The following LMO7 variants were observed in gnomAD, a reference collection of about 807,000 sequenced individuals.
LMO7 encodes the protein LIM domain only protein 7.
In LMO7, 120 loss-of-function variants were observed where a neutral mutation model predicts 206.5. The ratio of observed to expected loss-of-function variants is 0.58; its 90% CI spans 0.50 to 0.68. LMO7 has a LOEUF of 0.68. Ranked by LOEUF, LMO7 falls within the 30% of genes least tolerant of loss-of-function variation. The pLI is 0.00. For missense variants in LMO7, 1,959 were observed against 1,957.9 expected (o/e 1.00, Z -0.01); for synonymous variants, 706 against 681.5 (o/e 1.04, Z -0.56).
intron 1 of LMO7, chr13:75,689,124 T>A (rs541577757): frequency 6.6e-6 from 1 of 152,344 alleles, no homozygotes; most frequent in East Asian, 1.9e-4. Flanking sequence ...GATCTTTATC[T>A]TCCTCTAAGA....
At position 75,858,974 on chromosome 13, in the gene LMO7, G is replaced by A. The variant is rs2061147969; in HGVS notation, c.*1031G>A. 1 of 152,176 alleles carries A rather than the reference G, an allele frequency of 6.6e-6. No homozygotes were observed. Among genetic ancestry groups the A allele is most frequent in the Non-Finnish European group, 1.5e-5 (1 of 68,016 alleles). The allele number at this position is 152,176 out of a possible 1,614,324, so 9.4% of individuals were successfully genotyped here. On this transcript the variant is annotated 3_prime_UTR_variant, in exon 31 of 31. Coordinates refer to ENST00000377534, the MANE Select transcript of LMO7 (RefSeq NM_001306080.2). ...ATTTGTATGGTGAGAGTGATGAATT[G>A]TTGGATCATTTGAATAAAATCTTTT...
In LMO7 at chr13:75,858,687, C is replaced by T. The variant is rs576937710; in HGVS notation, c.*744C>T. The stretch of plus-strand genomic sequence containing the variant: ...TTGCTGATGCATTTAACGAGTGGGT[C>T]GTCTTTTTCTTAGGTGTATGTGTCT... On this transcript the variant is annotated 3_prime_UTR_variant, in exon 31 of 31. Transcript: ENST00000377534. The T allele has an allele frequency of 1.3e-5, 2 of 152,650 alleles. No homozygotes were observed. The highest frequency in any genetic ancestry group is 2.9e-5 in the Non-Finnish European group (2 of 68,014). 9.5% of individuals were successfully genotyped at this position (152,650 alleles called of 1,614,324 possible). A position where few individuals can be genotyped will look rare whatever the true frequency, so the allele number is the denominator to read the frequency against.
At chr13:75,722,832 A>T (rs1594524830) in intron 2 of LMO7, among the ~76,000 whole-genome samples, 1 of 152,204 alleles carries the variant, frequency 6.6e-6, no homozygotes, top group Non-Finnish European at 1.5e-5. Context: ...ATGGAATACT[A>T]CTCAGCCATA....
chr13:75,827,764 T>C (rs1361552074), intron 15 of LMO7, among the ~76,000 whole-genome samples: 1 of 152,200 alleles, frequency 6.6e-6, no homozygotes, highest in Non-Finnish European at 1.5e-5. Flanking sequence ...TTAAACCCTC[T>C]ACAAATCCAC....
chr13:75,858,033 T>C lies in LMO7; in HGVS notation c.*90T>C, dbSNP rs755048602. On this transcript the variant is annotated 3_prime_UTR_variant, in exon 31 of 31. Coordinates refer to ENST00000377534, the MANE Select transcript of LMO7 (RefSeq NM_001306080.2). ...CTATAAATATGTGTTGTATGTCTTT[T>C]TTGCTTTTTTTTTAAAAAAAAGAAT... 25 of 1,505,390 alleles carry C rather than the reference T, an allele frequency of 1.7e-5. No homozygotes were observed. Among genetic ancestry groups the C allele is most frequent in the Non-Finnish European group, 2.2e-5 (24 of 1,109,256 alleles). 93.3% of individuals were successfully genotyped at this position (1,505,390 alleles called of 1,614,324 possible).
At chr13:75,651,278 C>A (rs1040940641) in intron 1 of LMO7, among the ~76,000 whole-genome samples, 13 of 149,716 alleles carry the variant, frequency 8.7e-5, no homozygotes, top group Admixed American at 6.0e-4. Flanking sequence ...ATTTAAAATT[C>A]ATGTTTCGTT....
intron 3 of LMO7, among the ~76,000 whole-genome samples, chr13:75,757,028 T>C (rs1384135849): frequency 3.3e-5 from 5 of 152,202 alleles, no homozygotes; most frequent in African/African-American, 1.2e-4. Context: ...ATAGGGCTGA[T>C]CTGTGTAACC....
intron 4 of LMO7, among the ~76,000 whole-genome samples, chr13:75,789,654 G>T: frequency 6.6e-6 from 1 of 152,260 alleles, no homozygotes; most frequent in Admixed American, 6.5e-5. Context: ...GCTCCCTGCT[G>T]TCTGGGCCCA....
intron 1 of LMO7, among the ~76,000 whole-genome samples, chr13:75,694,523 T>G (rs767459320): frequency 6.6e-6 from 1 of 152,098 alleles, no homozygotes; most frequent in Non-Finnish European, 1.5e-5. Flanking sequence ...TAGAGGAGAT[T>G]AAGGCAGAAC....
intron 4 of LMO7, among the ~76,000 whole-genome samples, chr13:75,790,429 G>A (rs1435710991): frequency 6.6e-6 from 1 of 152,144 alleles, no homozygotes; most frequent in African/African-American, 2.4e-5. Flanking sequence ...TAGTGAAAGT[G>A]GAGCCAGAAT....
intron 6 of LMO7, among the ~76,000 whole-genome samples, chr13:75,798,843 G>C (rs2054364645): frequency 6.6e-6 from 1 of 152,180 alleles, no homozygotes; most frequent in Non-Finnish European, 1.5e-5. Context: ...AGGGCCAAAG[G>C]TTATTTTATA....
rs570513211 is a variant in LMO7, at chr13:75,647,951, CTTTTTT to C, written c.69+11238_69+11243del. Among the ~76,000 whole-genome samples the C allele has an allele frequency of 1.5e-3, 137 of 91,146 alleles. 3 individuals carry two copies. In the East Asian group the frequency reaches 0.026, roughly 17 times the overall value. 59.8% of individuals were successfully genotyped at this position (91,146 alleles called of 152,430 possible). A position where few individuals can be genotyped will look rare whatever the true frequency, so the allele number is the denominator to read the frequency against. The stretch of plus-strand genomic sequence containing the variant: ...GATTTTCTCTTGTTTTCTTTTCTTT[CTTTTTT>C]TTTTTTTTTTTTGAGACAGGGTCTC... On this transcript the variant is annotated intron_variant, in intron 1 of 30. Transcript: ENST00000377534.
At chr13:75,717,115 G>A (rs1396058067) in intron 2 of LMO7, among the ~76,000 whole-genome samples, 1 of 151,920 alleles carries the variant, frequency 6.6e-6, no homozygotes, top group Non-Finnish European at 1.5e-5. Context: ...TGTAATCCCT[G>A]CACTTTGGGA....
chr13:75,748,819 T>C (rs1277203081), intron 3 of LMO7, among the ~76,000 whole-genome samples: 3 of 148,646 alleles, frequency 2.0e-5, no homozygotes, highest in East Asian at 1.9e-4. Context: ...TTCTTTCTTT[T>C]TTTTTTTTTG....
intron 2 of LMO7, among the ~76,000 whole-genome samples, chr13:75,723,235 C>A (rs1055920226): frequency 4.0e-5 from 6 of 151,616 alleles, no homozygotes; most frequent in African/African-American, 1.2e-4. Context: ...AATTTGTGAA[C>A]AAAATATAAT....
intron 4 of LMO7, among the ~76,000 whole-genome samples, chr13:75,791,740 A>T (rs1213690683): frequency 6.6e-6 from 1 of 152,170 alleles, no homozygotes; most frequent in Non-Finnish European, 1.5e-5. Flanking sequence ...AGTTCTAAAT[A>T]TTGGGGTCCA....
Position 75,838,304 on chromosome 13 carries a change from CATT to C in LMO7, c.3451+111_3451+113del, listed in dbSNP as rs756868223. ...CACTGAGCCTCTTCAATTTGTCTGT[CATT>C]ATGACCAAGCGACATAACCCATTTC... is the stretch of plus-strand genomic sequence containing the variant. On this transcript the variant is annotated intron_variant, in intron 20 of 30. Transcript: ENST00000377534. 3 of 1,546,812 alleles carry C rather than the reference CATT, an allele frequency of 1.9e-6. No homozygotes were observed. In the South Asian group the frequency reaches 3.5e-5, roughly 18 times the overall value.
intron 11 of LMO7, among the ~76,000 whole-genome samples, chr13:75,811,652 C>T (rs1365837365): frequency 2.0e-5 from 3 of 152,102 alleles, no homozygotes; most frequent in South Asian, 2.1e-4. Flanking sequence ...CTTTGTTTGG[C>T]GTTTAACACC....
intron 1 of LMO7, among the ~76,000 whole-genome samples, chr13:75,651,649 G>A (rs1258741983): frequency 6.6e-6 from 1 of 152,158 alleles, no homozygotes; most frequent in East Asian, 1.9e-4. Context: ...TTTAGTTACA[G>A]CAACCATATC....
Sources: gnomAD v4.1 joint callset for allele counts (sites outside exome capture counted in the v4.1 genomes callset) on GRCh38, gnomAD v4.1.1 for gene constraint, MANE v1.5 for transcripts, NCBI Gene and HGNC (gene_info 2026-07-23, HGNC 2026-07-21) for gene names.